ENOX2: variants seen among roughly 807,000 people sequenced by gnomAD.
The protein encoded by ENOX2 is ecto-NOX disulfide-thiol exchanger 2, also known as APK1 antigen.
A neutral mutation model predicts 45.0 loss-of-function variants in ENOX2; 36 were observed. The ratio of observed to expected loss-of-function variants is 0.80; its 90% CI spans 0.61 to 1.06. The LOEUF is 1.06. Among genes scored for constraint, ENOX2 ranks in the 50% least tolerant of loss-of-function variants. ENOX2 has a pLI of 0.00. For synonymous variants in ENOX2, 174 were observed against 152.3 expected (o/e 1.14, Z -1.05); for missense variants, 423 against 462.5 (o/e 0.91, Z 0.78).
chrX:130,838,250 T>C (rs889824431), intron 2 of ENOX2, among the ~76,000 whole-genome samples: 1 of 111,245 alleles, frequency 9.0e-6, no homozygotes, highest in Non-Finnish European at 1.9e-5. Context: ...GGCATAGTGG[T>C]GCATGCCTGT....
chrX:130,741,096 G>A (rs1198519103), intron 3 of ENOX2, among the ~76,000 whole-genome samples: 2 of 111,349 alleles, frequency 1.8e-5, no homozygotes, highest in Non-Finnish European at 3.8e-5. Context: ...TTTTTCATAT[G>A]GAAAAACTAA....
At chrX:130,781,285 G>C (rs2039963158) in intron 3 of ENOX2, among the ~76,000 whole-genome samples, 1 of 111,751 alleles carries the variant, frequency 8.9e-6, no homozygotes, top group Admixed American at 9.5e-5. Flanking sequence ...TATTGAACAA[G>C]ATTTCAAGGG....
chrX:130,727,210 A>G lies in ENOX2; in HGVS notation c.-38-23956T>C, dbSNP rs182071229. The stretch of plus-strand genomic sequence containing the variant: ...ATTTAATCCTCACAACAACATTATG[A>G]GACAGGTATTACTAATATTCTTATT... On this transcript the variant is annotated intron_variant, in intron 3 of 14. Transcript: ENST00000394363. Among the ~76,000 whole-genome samples the G allele has an allele frequency of 1.5e-3, 169 of 112,393 alleles. 1 individual carries two copies. The highest frequency in any genetic ancestry group is 5.2e-3 in the African/African-American group (161 of 30,984).
rs192222258 is a variant in ENOX2, at chrX:130,744,086, G to A, written c.-39+39461C>T. Among the ~76,000 whole-genome samples the A allele has an allele frequency of 1.6e-4, 18 of 111,971 alleles. No individual in the cohort carries two copies. In the South Asian group the frequency reaches 6.5e-3, roughly 40 times the overall value. ...TCATGGAATCCCCATAAGAACTCTGGAAGGGCCATGGACAGGGGAATGGCT... is the reference window on the plus strand; with the variant it reads ...TCATGGAATCCCCATAAGAACTCTGAAAGGGCCATGGACAGGGGAATGGCT... On this transcript the variant is annotated intron_variant, in intron 3 of 14. Coordinates refer to ENST00000394363, the MANE Select transcript of ENOX2 (RefSeq NM_006375.4).
intron 5 of ENOX2, 26 bp downstream of exon 5, chrX:130,688,837 G>T: frequency 8.8e-6 from 10 of 1,134,173 alleles, no homozygotes; most frequent in Non-Finnish European, 1.1e-5. Context: ...ATTGTGTCTT[G>T]TGTGGAGAAA....
At chrX:130,710,647 C>T (rs904967472) in intron 3 of ENOX2, among the ~76,000 whole-genome samples, 3 of 111,771 alleles carry the variant, frequency 2.7e-5, no homozygotes, top group South Asian at 3.7e-4. Flanking sequence ...TACTGGAGAA[C>T]GCCTTATACC....
chrX:130,862,428 C>A (rs903977603), intron 2 of ENOX2, among the ~76,000 whole-genome samples: 48 of 111,293 alleles, frequency 4.3e-4, no homozygotes, highest in Admixed American at 4.8e-4. Context: ...AAATTGCAAC[C>A]TTTTTTCCCA....
At chrX:130,794,808 C>A (rs2077094439) in intron 2 of ENOX2, among the ~76,000 whole-genome samples, 2 of 112,186 alleles carry the variant, frequency 1.8e-5, no homozygotes, top group South Asian at 7.4e-4. Context: ...ATGTACACAC[C>A]AATTTCACCA....
intron 2 of ENOX2, among the ~76,000 whole-genome samples, chrX:130,822,921 T>C (rs2077645534): frequency 8.9e-6 from 1 of 112,410 alleles, no homozygotes; most frequent in South Asian, 3.6e-4. Flanking sequence ...TGATGTTTGC[T>C]AGATTAGGTA....
At chrX:130,692,663 C>T (rs2037640840) in intron 4 of ENOX2, among the ~76,000 whole-genome samples, 1 of 108,257 alleles carries the variant, frequency 9.2e-6, no homozygotes. Context: ...TCATTGCAAC[C>T]TCCGCCTCCC....
intron 2 of ENOX2, among the ~76,000 whole-genome samples, chrX:130,839,512 A>G (rs2077979774): frequency 8.9e-6 from 1 of 111,962 alleles, no homozygotes; most frequent in South Asian, 3.7e-4. Context: ...GGAGTTTTAA[A>G]CAACTTTTAT....
chrX:130,668,961 G>A (rs1364986270), intron 7 of ENOX2, among the ~76,000 whole-genome samples: 1 of 112,063 alleles, frequency 8.9e-6, no homozygotes, highest in African/African-American at 3.2e-5. Context: ...TTTTCAAAAT[G>A]TACCATTATT....
At position 130,624,686 on chromosome X, in the gene ENOX2, T is replaced by C. The variant is rs1417837186; in HGVS notation, c.*628A>G. 8.8e-6 allele frequency: 1 copy of C among 113,010 alleles called. No homozygotes were observed. The highest frequency in any genetic ancestry group is 1.9e-5 in the Non-Finnish European group (1 of 53,414). 9.3% of individuals were successfully genotyped at this position (113,010 alleles called of 1,213,427 possible). On this transcript the variant is annotated 3_prime_UTR_variant, in exon 15 of 15. Coordinates refer to ENST00000394363, the MANE Select transcript of ENOX2 (RefSeq NM_006375.4). ...TTACAATTCTGAAACAGATCTTTAA[T>C]GTGATATGTTAGAGAAAATAACTTT...
Position 130,637,318 on chromosome X carries a change from G to A in ENOX2, c.1222C>T (p.Gln408Ter). The A allele has an allele frequency of 8.3e-7, 1 of 1,210,625 alleles. No individual in the cohort carries two copies. Residue 408 changes from glutamine (Q) to a stop codon, truncating the protein, a stop_gained, in exon 11 of 15, where the codon CAA (glutamine) becomes TAA (stop). Transcript: ENST00000394363. LOFTEE classifies it high-confidence loss of function. ...AYRNEVELLK[Q>*]EQGKVHREDD... ...TCTCTGTGGACTTTGCCTTGTTCTTGCTTGAGCAGTTCTACTTCATTCCGG... is the reference window on the plus strand; with the variant it reads ...TCTCTGTGGACTTTGCCTTGTTCTTACTTGAGCAGTTCTACTTCATTCCGG...
chrX:130,880,941 T>C (rs1211223053), intron 2 of ENOX2, among the ~76,000 whole-genome samples: 1 of 112,301 alleles, frequency 8.9e-6, no homozygotes, highest in Non-Finnish European at 1.9e-5. Flanking sequence ...GAAATGCTTG[T>C]CCTATATGTA....
intron 2 of ENOX2, among the ~76,000 whole-genome samples, chrX:130,825,551 G>A (rs2077704211): frequency 8.9e-6 from 1 of 111,961 alleles, no homozygotes; most frequent in Non-Finnish European, 1.9e-5. Context: ...CTTAACTGCA[G>A]TTTTGCTTTC....
At position 130,688,922 on chromosome X, in the gene ENOX2, A is replaced by AT. The variant is rs1390718423; in HGVS notation, c.193dup (p.Met65AsnfsTer11). On this transcript the variant is annotated frameshift_variant, in exon 5 of 15. Coordinates refer to ENST00000394363, the MANE Select transcript of ENOX2 (RefSeq NM_006375.4). LOFTEE classifies it high-confidence loss of function. The stretch of plus-strand genomic sequence containing the variant: ...GTGTATGATCTCTTTTACTACTGGC[A>AT]TATCTGGAGGAATTGGTGGAGGTAC... 1 of 1,195,031 alleles carries AT rather than the reference A, an allele frequency of 8.4e-7. No individual in the cohort carries two copies. Among genetic ancestry groups the AT allele is most frequent in the East Asian group, 3.0e-5 (1 of 33,693 alleles).
chrX:130,881,867 G>A (rs2078817467), intron 2 of ENOX2, among the ~76,000 whole-genome samples: 1 of 111,836 alleles, frequency 8.9e-6, no homozygotes, highest in Non-Finnish European at 1.9e-5. Flanking sequence ...AGAAACTCAT[G>A]CTTCGGAACA....
intron 3 of ENOX2, among the ~76,000 whole-genome samples, chrX:130,753,616 G>A (rs1313081834): frequency 9.0e-6 from 1 of 111,347 alleles, no homozygotes; most frequent in Non-Finnish European, 1.9e-5. Context: ...TTCTTTGAAA[G>A]CATGTGGTAT....
Sources: gnomAD v4.1 joint callset for allele counts (sites outside exome capture counted in the v4.1 genomes callset) on GRCh38, gnomAD v4.1.1 for gene constraint, MANE v1.5 for transcripts, NCBI Gene and HGNC (gene_info 2026-07-23, HGNC 2026-07-21) for gene names.